LRP1B: variants seen among roughly 807,000 people sequenced by gnomAD.
LRP1B encodes LDL receptor related protein 1B.
In LRP1B, 217 loss-of-function variants were observed where a neutral mutation model predicts 556.6. That is an observed-to-expected ratio of 0.39 (90% CI 0.35 to 0.44). The LOEUF (loss-of-function observed/expected upper bound fraction) is 0.44, where lower values mean the gene tolerates loss of function less well. Among genes scored for constraint, LRP1B ranks in the 20% least tolerant of loss-of-function variants. The pLI, the probability that LRP1B is intolerant of heterozygous loss-of-function variation, is 1.00. For missense variants in LRP1B, 5,053 were observed against 5,620.8 expected, an observed-to-expected ratio of 0.90 and a Z score of 3.23; for synonymous variants, 2,047 against 1,865.8, an observed-to-expected ratio of 1.10 and a Z score of -2.50.
chr2:142,078,050 A>G (rs1354870559), intron 1 of LRP1B, among the ~76,000 whole-genome samples: 1 of 152,066 alleles, frequency 6.6e-6, no homozygotes, highest in African/African-American at 2.4e-5. Flanking sequence ...CCTGCTAAAC[A>G]TTCTTTATTT....
chr2:140,442,381 G>C (rs914015048), intron 66 of LRP1B, 123 bp downstream of exon 66: 3 of 1,283,680 alleles, frequency 2.3e-6, no homozygotes, highest in African/African-American at 3.1e-5. Context: ...TGAACACAGA[G>C]ACAAAACCTT....
chr2:141,249,705 G>T (rs1684193661), intron 4 of LRP1B, among the ~76,000 whole-genome samples: 1 of 152,008 alleles, frequency 6.6e-6, no homozygotes, highest in South Asian at 2.1e-4. Context: ...AGAAATGAGA[G>T]CTCTTCTGGG....
At chr2:141,575,918 A>C (rs1291973198) in intron 2 of LRP1B, among the ~76,000 whole-genome samples, 1 of 152,116 alleles carries the variant, frequency 6.6e-6, no homozygotes, top group African/African-American at 2.4e-5. Flanking sequence ...GCCAGTCATA[A>C]TGGCAATTAG....
At chr2:141,576,532 T>C (rs1686751779) in intron 2 of LRP1B, among the ~76,000 whole-genome samples, 1 of 152,068 alleles carries the variant, frequency 6.6e-6, no homozygotes, top group Admixed American at 6.6e-5. Flanking sequence ...ATCTATGTAG[T>C]AAACCTACAC....
chr2:140,742,597 A>G (rs1356777259), intron 35 of LRP1B, among the ~76,000 whole-genome samples: 1 of 151,916 alleles, frequency 6.6e-6, no homozygotes, highest in African/African-American at 2.4e-5. Flanking sequence ...TATTTTTTTA[A>G]TCTATTATAA....
chr2:142,081,441 C>T (rs374732088), intron 1 of LRP1B, among the ~76,000 whole-genome samples: 1 of 151,976 alleles, frequency 6.6e-6, no homozygotes, highest in South Asian at 2.1e-4. Flanking sequence ...TTTTATAGCA[C>T]ACTTCGAGAA....
At chr2:140,961,951 A>G (rs1400601574) in intron 18 of LRP1B, among the ~76,000 whole-genome samples, 1 of 152,212 alleles carries the variant, frequency 6.6e-6, no homozygotes, top group Non-Finnish European at 1.5e-5. Flanking sequence ...GCAATTATAC[A>G]AAAGGTGTAG....
At chr2:141,071,363 A>G (rs1411386260) in intron 7 of LRP1B, among the ~76,000 whole-genome samples, 2 of 151,818 alleles carry the variant, frequency 1.3e-5, no homozygotes, top group South Asian at 2.1e-4. Context: ...TCTCAAAATA[A>G]TAAGAGCTAT....
intron 16 of LRP1B, among the ~76,000 whole-genome samples, chr2:140,991,234 C>G (rs951510026): frequency 6.6e-6 from 1 of 152,086 alleles, no homozygotes; most frequent in African/African-American, 2.4e-5. Flanking sequence ...GAGGCTTAAT[C>G]AAGGACTTTT....
chr2:142,130,828 C>T lies in LRP1B; in HGVS notation c.-99G>A, dbSNP rs1369942308. ...GCAGGGGCCGCTTGGAGCCTGGAAT[C>T]GAGCGGCGTCATTTACAAATGTCAC... On this transcript the variant is annotated 5_prime_UTR_variant, in exon 1 of 91. Coordinates refer to ENST00000389484, the MANE Select transcript of LRP1B (RefSeq NM_018557.3). 1 of 893,808 alleles carries T rather than the reference C, an allele frequency of 1.1e-6. No homozygotes were observed. Among genetic ancestry groups the T allele is most frequent in the East Asian group, 2.6e-5 (1 of 37,992 alleles). 55.4% of individuals were successfully genotyped at this position (893,808 alleles called of 1,614,324 possible).
chr2:142,002,565 T>C (rs1702685794), intron 1 of LRP1B, among the ~76,000 whole-genome samples: 1 of 151,452 alleles, frequency 6.6e-6, no homozygotes, highest in South Asian at 2.1e-4. Flanking sequence ...ACATAATTCA[T>C]TGAGGCCTGT....
At chr2:141,188,627 T>C in intron 6 of LRP1B, 44 bp from the exon 7 acceptor site, 1 of 1,543,204 alleles carries the variant, frequency 6.5e-7, no homozygotes, top group Non-Finnish European at 8.9e-7. Context: ...AGGTGCAATC[T>C]AGCATCATGA....
chr2:141,713,934 A>C (rs543509466), intron 2 of LRP1B, among the ~76,000 whole-genome samples: 1 of 152,148 alleles, frequency 6.6e-6, no homozygotes, highest in Admixed American at 6.5e-5. Context: ...TGGCACCCAG[A>C]TCTGCCAAAT....
chr2:140,249,634 AAAT>A (rs1681319086), intron 86 of LRP1B, among the ~76,000 whole-genome samples: 1 of 151,714 alleles, frequency 6.6e-6, no homozygotes, highest in African/African-American at 2.4e-5. Flanking sequence ...ACTCCTTATA[AAAT>A]AATGTTTTAT....
rs868466584 is a variant in LRP1B at position 140,556,981 on chromosome 2, T to C, written c.7195-15010A>G. Among the ~76,000 whole-genome samples, 3 of 152,254 alleles carry C rather than the reference T, an allele frequency of 2.0e-5. No individual in the cohort carries two copies. The Middle Eastern group carries it at 0.01, about 518-fold the overall frequency. On this transcript the variant is annotated intron_variant, in intron 43 of 90. Coordinates refer to ENST00000389484, the MANE Select transcript of LRP1B (RefSeq NM_018557.3). Reference sequence around the variant, plus strand: ...TGTCATCCTAAGATATTTCTTAATATATCAAATTAAAAGGCAAATATTTTA... The same window carrying C: ...TGTCATCCTAAGATATTTCTTAATACATCAAATTAAAAGGCAAATATTTTA...
intron 57 of LRP1B, 146 bp downstream of exon 57, chr2:140,492,462 T>C: frequency 1.7e-6 from 1 of 585,680 alleles, no homozygotes; most frequent in East Asian, 2.8e-5. Context: ...GCAGAACAGA[T>C]ACAAACTAAA....
intron 2 of LRP1B, among the ~76,000 whole-genome samples, chr2:141,579,723 A>ATTTTTTTTTTTTTT (rs1559153915): frequency 9.6e-5 from 3 of 31,142 alleles, no homozygotes; most frequent in African/African-American, 2.9e-4. Flanking sequence ...ATCAGGTTTC[A>ATTTTTTTTTTTTTT]CTTTTTTTTT....
chr2:140,335,938 T>G, intron 77 of LRP1B, 100 bp from the exon 78 acceptor site: 1 of 742,480 alleles, frequency 1.3e-6, no homozygotes, highest in Non-Finnish European at 2.4e-6. Context: ...TGTAAGAACA[T>G]AGTCATGAGT....
chr2:140,866,162 A>G (rs1156505707), intron 27 of LRP1B, among the ~76,000 whole-genome samples: 2 of 152,126 alleles, frequency 1.3e-5, no homozygotes, highest in Non-Finnish European at 2.9e-5. Context: ...AATCTGAGGG[A>G]CAAAAATACA....
Sources: allele counts gnomAD v4.1 joint callset (sites outside exome capture counted in the v4.1 genomes callset), GRCh38; gene constraint gnomAD v4.1.1; transcripts MANE v1.5; gene names NCBI Gene and HGNC (gene_info 2026-07-23, HGNC 2026-07-21).